SYNE1: variants seen among roughly 807,000 people sequenced by gnomAD.
SYNE1 encodes nesprin-1.
A neutral mutation model predicts 1,111.0 loss-of-function variants in SYNE1; 616 were observed. The ratio of observed to expected loss-of-function variants is 0.55; its 90% confidence interval spans 0.52 to 0.59. The LOEUF (loss-of-function observed/expected upper bound fraction) is 0.59, where lower values mean the gene tolerates loss of function less well. Among genes scored for constraint, SYNE1 ranks in the 20% least tolerant of loss-of-function variants. The probability of loss-of-function intolerance (pLI) is 0.00; values close to 1 mark genes in which losing one functional copy is unlikely to be tolerated. For missense variants in SYNE1, 10,006 were observed against 10,417.0 expected, an observed-to-expected ratio of 0.96 and a Z score of 1.72; for synonymous variants, 3,855 against 3,825.8, an observed-to-expected ratio of 1.01 and a Z score of -0.28.
chr6:152,236,594 G>A (rs1250831956), intron 109 of SYNE1, among the ~76,000 whole-genome samples: 1 of 151,764 alleles, frequency 6.6e-6, no homozygotes, highest in African/African-American at 2.4e-5. Flanking sequence ...AAAATGCTTG[G>A]TGGAGGCTGA....
At chr6:152,532,420 A>AACT (rs1191794985) in intron 4 of SYNE1, among the ~76,000 whole-genome samples, 1 of 152,194 alleles carries the variant, frequency 6.6e-6, no homozygotes, top group Non-Finnish European at 1.5e-5. Context: ...TTTTACTTTA[A>AACT]ACTACTAAAC....
chr6:152,340,799 G>A (rs78251431), intron 74 of SYNE1, among the ~76,000 whole-genome samples: 90 of 152,306 alleles, frequency 5.9e-4, no homozygotes, highest in Non-Finnish European at 8.5e-4. Context: ...CGAACATCAC[G>A]TGGAGAACGG....
rs767515199 is a variant in SYNE1 at position 152,466,033 on chromosome 6, A to G, written c.1678T>C (p.Tyr560His). The change falls in exon 17 of 146, where the codon TAC (tyrosine) becomes CAC (histidine). Residue 560 changes from tyrosine to histidine, a missense_variant. Tyr to His is a moderately conservative substitution (Grantham distance 83). Transcript: ENST00000367255. ...TCAGCTGTCTGTTTCAAGATCTGGTATGTCACCTCATATTGTTCAAAGAAC... is the reference window on the plus strand; with the variant it reads ...TCAGCTGTCTGTTTCAAGATCTGGTGTGTCACCTCATATTGTTCAAAGAAC... ...SKFFEQYEVT[Y>H]QILKQTAEMY... is the part of the protein sequence containing the mutation. The G allele has an allele frequency of 2.5e-6, 4 of 1,612,910 alleles. No homozygotes were observed. In the South Asian group the frequency reaches 4.4e-5, roughly 18 times the overall value.
At chr6:152,236,985 C>T (rs371866595) in intron 108 of SYNE1, 37 bp from the exon 109 acceptor site, 2 of 1,610,978 alleles carry the variant, frequency 1.2e-6, no homozygotes, top group Non-Finnish European at 1.7e-6. Flanking sequence ...CTAAAAAAAC[C>T]CTCATTAGCG....
chr6:152,563,316 T>C (rs1038745702), intron 3 of SYNE1, among the ~76,000 whole-genome samples: 1 of 152,152 alleles, frequency 6.6e-6, no homozygotes, highest in Non-Finnish European at 1.5e-5. Context: ...AAAAGCATAC[T>C]ATTCTTCCCT....
At position 152,350,172 on chromosome 6, in the gene SYNE1, T is replaced by C. The variant is rs752045017; in HGVS notation, c.11897A>G (p.His3966Arg). 6.2e-7 allele frequency: 1 copy of C among 1,613,196 alleles called. No homozygotes were observed. Among genetic ancestry groups the C allele is most frequent in the South Asian group, 1.1e-5 (1 of 91,034 alleles). The change falls in exon 72 of 146, where the codon CAC becomes CGC. Residue 3966 changes from histidine (H) to arginine (R), a missense_variant. Around this residue, in one of 7 missense-constraint regions of SYNE1, gnomAD observed 4,955 missense variants for 5,017.2 expected, o/e 0.99. Transcript: ENST00000367255. Reference protein sequence around the residue: ...LETITQQLAHHKAMMEEIAGF... With the variant: ...LETITQQLAHRKAMMEEIAGF... ...CCCTTTAAAGGTCAGGGGTACCTTG[T>C]GGTGGGCCAATTGCTGGGTGATTGT...
rs774545219 is a variant in SYNE1 at position 152,213,775 on chromosome 6, G to T, written c.22347-16C>A. ...CTGCAACTTGCTGAAAGAACAAAGG[G>T]CAAGGAACAATGGTTATTTCACTGC... On this transcript the variant is annotated splice_polypyrimidine_tract_variant and intron_variant, in intron 122 of 145. Transcript: ENST00000367255. The T allele has an allele frequency of 2.5e-6, 4 of 1,613,912 alleles. No homozygotes were observed. In the South Asian group the frequency reaches 4.4e-5, roughly 18 times the overall value.
Position 152,215,068 on chromosome 6 carries a change from G to A in SYNE1, c.22192-8C>T. The A allele has an allele frequency of 6.2e-7, 1 of 1,613,844 alleles. No homozygotes were observed. The highest frequency in any genetic ancestry group is 8.5e-7 in the Non-Finnish European group (1 of 1,179,942). ...GAATTTTAACATCTGTCCCTAGAAG[G>A]AAGATTTAAAAGTAGGTTTAGCACC... On this transcript the variant is annotated splice_region_variant and splice_polypyrimidine_tract_variant and intron_variant, in intron 121 of 145. Coordinates refer to ENST00000367255, the MANE Select transcript of SYNE1 (RefSeq NM_182961.4).
chr6:152,499,057 C>T (rs2099014540), intron 10 of SYNE1, among the ~76,000 whole-genome samples: 2 of 151,864 alleles, frequency 1.3e-5, no homozygotes, highest in South Asian at 2.1e-4. Flanking sequence ...AAACATATCT[C>T]GAAATAACAT....
chr6:152,531,535 ATCT>A (rs1325271445), intron 4 of SYNE1, among the ~76,000 whole-genome samples: 3 of 152,180 alleles, frequency 2.0e-5, no homozygotes, highest in Non-Finnish European at 4.4e-5. Flanking sequence ...TGCCATGTTA[ATCT>A]TCTTAAGCAT....
At chr6:152,236,379 C>T (rs1288943148) in intron 109 of SYNE1, 76 bp from the exon 110 acceptor site, 1 of 1,059,296 alleles carries the variant, frequency 9.4e-7, no homozygotes, top group Non-Finnish European at 1.4e-6. Flanking sequence ...TTCTCTGGTA[C>T]CTACAATGTT....
At chr6:152,189,918 T>G (rs891437723) in intron 127 of SYNE1, among the ~76,000 whole-genome samples, 2 of 152,216 alleles carry the variant, frequency 1.3e-5, no homozygotes, top group Non-Finnish European at 2.9e-5. Context: ...TGACTCTTCC[T>G]TTTACAAAAG....
intron 65 of SYNE1, among the ~76,000 whole-genome samples, chr6:152,358,889 G>C (rs545928910): frequency 6.6e-6 from 1 of 152,100 alleles, no homozygotes; most frequent in African/African-American, 2.4e-5. Flanking sequence ...AGATTTGGAC[G>C]TACTGTGGAT....
At chr6:152,166,382 T>C (rs1430373834) in intron 130 of SYNE1, among the ~76,000 whole-genome samples, 1 of 152,252 alleles carries the variant, frequency 6.6e-6, no homozygotes. Flanking sequence ...TTAAAATTTT[T>C]ATTTGATATT....
intron 100 of SYNE1, among the ~76,000 whole-genome samples, chr6:152,264,052 T>C (rs1391204760): frequency 6.6e-6 from 1 of 151,042 alleles, no homozygotes; most frequent in Admixed American, 6.6e-5. Flanking sequence ...CTACTAAAAA[T>C]ACAAAAATTA....
At position 152,369,467 on chromosome 6, in the gene SYNE1, T is replaced by C; in HGVS notation, c.9651+4A>G. On this transcript the variant is annotated splice_donor_region_variant and intron_variant, in intron 60 of 145. Transcript: ENST00000367255. The stretch of plus-strand genomic sequence containing the variant: ...ATGGGGCTACGGGGAGGCGGGCTCA[T>C]CACCTGGAGCTTCTGCTGCTCCCTC... 6.2e-7 allele frequency: 1 copy of C among 1,614,104 alleles called. No individual in the cohort carries two copies. Among genetic ancestry groups the C allele is most frequent in the Non-Finnish European group, 8.5e-7 (1 of 1,180,020 alleles).
At chr6:152,618,099 A>T (rs2099665396) in intron 3 of SYNE1, among the ~76,000 whole-genome samples, 1 of 152,202 alleles carries the variant, frequency 6.6e-6, no homozygotes, top group Non-Finnish European at 1.5e-5. Context: ...GTTTTGAAAG[A>T]TCTTTCTTAT....
At chr6:152,304,838 C>T (rs1170451467) in intron 91 of SYNE1, among the ~76,000 whole-genome samples, 1 of 152,154 alleles carries the variant, frequency 6.6e-6, no homozygotes, top group Admixed American at 6.5e-5. Context: ...GTCACCACTT[C>T]CAAAGGTTCT....
chr6:152,310,372 T>C, intron 89 of SYNE1, 24 bp downstream of exon 89: 1 of 1,613,926 alleles, frequency 6.2e-7, no homozygotes. Context: ...CTGTCCCTAT[T>C]TACTCCAAGT....
Sources: allele counts gnomAD v4.1 joint callset (sites outside exome capture counted in the v4.1 genomes callset), GRCh38; gene constraint gnomAD v4.1.1; regional missense constraint gnomAD v4.1.1; transcripts MANE v1.5; gene names NCBI Gene and HGNC (gene_info 2026-07-23, HGNC 2026-07-21).